Variants in THTPA observed in about 807,000 individuals in gnomAD.
The protein encoded by THTPA is thiamine triphosphatase.
A neutral mutation model predicts 16.5 loss-of-function variants in THTPA; 16 were observed. That is an observed-to-expected ratio of 0.97 (90% CI 0.66 to 1.47). The LOEUF is 1.47. THTPA is among the 40% of genes most tolerant of loss of function. THTPA has a pLI of 0.00. For missense variants in THTPA, 281 were observed against 280.9 expected (o/e 1.00, Z 0.00); for synonymous variants, 110 against 115.5 (o/e 0.95, Z 0.30).
chr14:23,544,005 A>C, the THTPA span: 1 of 152,124 alleles, frequency 6.6e-6, no homozygotes, highest in African/African-American at 2.4e-5. Flanking sequence ...TAATTCCAGC[A>C]CTTTGGGAGG....
At chr14:23,533,254 GAGAGA>G in the THTPA span, 9 of 1,106,192 alleles carry the variant, frequency 8.1e-6, no homozygotes, top group Middle Eastern at 2.8e-4. The surrounding 1 kb of genome is among the most constrained non-coding windows in gnomAD (Gnocchi z 4.8). Context: ...CCCTGGGGAG[GAGAGA>G]AGAGGGAAGA....
At chr14:23,544,217 T>G in the THTPA span, 2 of 146,686 alleles carry the variant, frequency 1.4e-5, no homozygotes, top group Admixed American at 6.9e-5. Context: ...ATTGCACCAC[T>G]GCACTCCAGC....
chr14:23,517,201 C>T, the THTPA span, among the ~76,000 whole-genome samples: 5 of 152,220 alleles, frequency 3.3e-5, 1 homozygote, highest in East Asian at 1.9e-4. Flanking sequence ...TATGAAGGAG[C>T]GTCACTGGGT....
the THTPA span, among the ~76,000 whole-genome samples, chr14:23,550,971 C>T: frequency 1.3e-5 from 2 of 152,092 alleles, no homozygotes; most frequent in Non-Finnish European, 2.9e-5. Context: ...TCCCCTTCCC[C>T]CCGGGATCCC....
At chr14:23,534,723 C>G in the THTPA span, 1 of 1,536,176 alleles carries the variant, frequency 6.5e-7, no homozygotes, top group Non-Finnish European at 8.7e-7. The surrounding 1 kb of genome is among the most constrained non-coding windows in gnomAD (Gnocchi z 4.5). Context: ...CATGCCTTTC[C>G]TCACAGGCAG....
At chr14:23,532,551 C>A in the THTPA span, 1 of 1,432,740 alleles carries the variant, frequency 7.0e-7, no homozygotes, top group Non-Finnish European at 9.1e-7. Flanking sequence ...GATGGCCCTT[C>A]CTGACCCAGC....
chr14:23,527,760 G>A, the THTPA span: 3 of 1,536,040 alleles, frequency 2.0e-6, no homozygotes, highest in African/African-American at 2.7e-5. Flanking sequence ...CCCTCACCTG[G>A]CTGGACTCTG....
the THTPA span, chr14:23,530,640 A>C: frequency 2.8e-6 from 1 of 352,920 alleles, no homozygotes; most frequent in East Asian, 7.8e-5. Flanking sequence ...TCAAGTAAGA[A>C]TTGACAGATG....
the THTPA span, among the ~76,000 whole-genome samples, chr14:23,519,362 T>C: frequency 6.6e-6 from 1 of 152,176 alleles, no homozygotes; most frequent in Non-Finnish European, 1.5e-5. Flanking sequence ...ACAAGTCACA[T>C]TCCCAGAAAG....
chr14:23,527,858 C>T, the THTPA span: 1 of 1,466,730 alleles, frequency 6.8e-7, no homozygotes, highest in Non-Finnish European at 9.2e-7. Flanking sequence ...TGGGACCCAC[C>T]ATCACATAGT....
chr14:23,533,431 A>T, the THTPA span: 1 of 1,525,188 alleles, frequency 6.6e-7, no homozygotes, highest in South Asian at 1.2e-5. The surrounding 1 kb of genome is among the most constrained non-coding windows in gnomAD (Gnocchi z 4.8). Context: ...AAAGTACTGG[A>T]AGAGTTCAGG....
Position 23,556,396 on chromosome 14 carries a change from C to G in THTPA, c.-362C>G. The G allele has an allele frequency of 4.2e-6, 1 of 235,306 alleles. No homozygotes were observed. The highest frequency in any genetic ancestry group is 8.4e-6 in the Non-Finnish European group (1 of 119,512). The allele number at this position is 235,306 out of a possible 1,614,324, so 14.6% of individuals were successfully genotyped here. On this transcript the variant is annotated 5_prime_UTR_variant, in exon 1 of 2. Transcript: ENST00000288014. Reference sequence around the variant, plus strand: ...AGTGTAGCAGGAAAGGGCAGGTCCTCCCGGGTCGTGAGCCAGTAGCCTCCT... The same window carrying G: ...AGTGTAGCAGGAAAGGGCAGGTCCTGCCGGGTCGTGAGCCAGTAGCCTCCT...
chr14:23,525,719 CGCTCAGCCA>C, the THTPA span: 1 of 1,518,014 alleles, frequency 6.6e-7, no homozygotes, highest in Non-Finnish European at 8.8e-7. This position sits in a 1 kb window ranked among gnomAD's most constrained non-coding sequence, Gnocchi z 5.9. Flanking sequence ...CTCCCACTCC[CGCTCAGCCA>C]GCTCAGCCTT....
At position 23,560,094 on chromosome 14, in the gene THTPA, C is replaced by T. The variant is rs1883435327; in HGVS notation, c.*1254C>T. 1 of 1,430,540 alleles carries T rather than the reference C, an allele frequency of 7.0e-7. No homozygotes were observed. Among genetic ancestry groups the T allele is most frequent in the African/African-American group, 1.4e-5 (1 of 71,090 alleles). The allele number at this position is 1,430,540 out of a possible 1,614,324, so 88.6% of individuals were successfully genotyped here. On this transcript the variant is annotated 3_prime_UTR_variant, in exon 2 of 2. Transcript: ENST00000288014. ...GCAGTAGGTAGGGCTCAGGCAGCCC[C>T]TCTATACTCAGTGGCTCCACACCCT...
Position 23,560,254 on chromosome 14 carries a change from C to G in THTPA, c.*1414C>G, listed in dbSNP as rs1463580131. 6.2e-7 allele frequency: 1 copy of G among 1,613,268 alleles called. No homozygotes were observed. Among genetic ancestry groups the G allele is most frequent in the Non-Finnish European group, 8.5e-7 (1 of 1,179,974 alleles). On this transcript the variant is annotated 3_prime_UTR_variant, in exon 2 of 2. Transcript: ENST00000288014. ...ACCTCTGAACTCTGATCTTTACAAA[C>G]CTTGGGCACAGCAGCCTGGCAGATG...
chr14:23,522,074 T>C, the THTPA span: 13 of 1,536,110 alleles, frequency 8.5e-6, no homozygotes, highest in East Asian at 1.7e-4. Context: ...AGTGGCGGCG[T>C]TGGTGATGGA....
the THTPA span, chr14:23,530,120 C>A: frequency 1.3e-6 from 2 of 1,535,932 alleles, no homozygotes; most frequent in East Asian, 4.9e-5. Context: ...GAAAACTCAC[C>A]CAATTGTTCT....
At chr14:23,529,907 G>A in the THTPA span, 3 of 1,004,758 alleles carry the variant, frequency 3.0e-6, no homozygotes, top group Admixed American at 4.2e-5. Flanking sequence ...GGCAAGGGCT[G>A]ACTCCGGGTC....
At position 23,559,060 on chromosome 14, in the gene THTPA, C is replaced by G; in HGVS notation, c.*220C>G. The G allele has an allele frequency of 3.5e-6, 2 of 572,574 alleles. No individual in the cohort carries two copies. Among genetic ancestry groups the G allele is most frequent in the Non-Finnish European group, 6.1e-6 (2 of 326,252 alleles). The allele number at this position is 572,574 out of a possible 1,614,324, so 35.5% of individuals were successfully genotyped here. On this transcript the variant is annotated 3_prime_UTR_variant, in exon 2 of 2. Coordinates refer to ENST00000288014, the MANE Select transcript of THTPA (RefSeq NM_024328.6). ...GCAATCTGTGGGCCGCCCCTCTCCC[C>G]TGGCCGCTAAGCAGCCTCCATTGAT...
Sources: allele counts gnomAD v4.1 joint callset (sites outside exome capture counted in the v4.1 genomes callset), GRCh38; gene constraint gnomAD v4.1.1; non-coding constraint Gnocchi (gnomAD v3.1); transcripts MANE v1.5; gene names NCBI Gene and HGNC (gene_info 2026-07-23, HGNC 2026-07-21).